APPL1: variants seen among roughly 807,000 people sequenced by gnomAD.
APPL1 encodes DCC-interacting protein 13-alpha.
In APPL1, 42 loss-of-function variants were observed where a neutral mutation model predicts 106.8. That is an observed-to-expected ratio of 0.39 (90% CI 0.31 to 0.51). APPL1 has a LOEUF of 0.51. Ranked by LOEUF, APPL1 falls within the 20% of genes least tolerant of loss-of-function variation. The probability of loss-of-function intolerance (pLI) is 0.75; values close to 1 mark genes in which losing one functional copy is unlikely to be tolerated. For synonymous variants in APPL1, 263 were observed against 281.8 expected, an observed-to-expected ratio of 0.93 and a Z score of 0.67; for missense variants, 769 against 858.2, an observed-to-expected ratio of 0.90 and a Z score of 1.30.
intron 1 of APPL1, among the ~76,000 whole-genome samples, chr3:57,230,927 C>T (rs368379565): frequency 2.6e-5 from 4 of 151,872 alleles, no homozygotes; most frequent in African/African-American, 9.7e-5. Flanking sequence ...GATGGAGTTT[C>T]GCTCTTGTCG....
At chr3:57,230,726 G>A (rs1294844982) in intron 1 of APPL1, 2 of 449,362 alleles carry the variant, frequency 4.5e-6, no homozygotes, top group Non-Finnish European at 9.1e-6. Flanking sequence ...TAGAGTCCAA[G>A]AAGCAGAGCA....
intron 4 of APPL1, among the ~76,000 whole-genome samples, chr3:57,239,213 CAT>C (rs1250288965): frequency 2.6e-5 from 4 of 152,154 alleles, no homozygotes; most frequent in African/African-American, 7.2e-5. Flanking sequence ...CCTCCCACAA[CAT>C]GTGGGAATTA....
At chr3:57,232,023 A>G (rs930772917) in intron 1 of APPL1, among the ~76,000 whole-genome samples, 2 of 152,212 alleles carry the variant, frequency 1.3e-5, no homozygotes, top group Admixed American at 6.5e-5. Flanking sequence ...CAAACCAGAC[A>G]GTTCTGCAAA....
intron 19 of APPL1, among the ~76,000 whole-genome samples, chr3:57,266,722 T>G (rs1180480590): frequency 1.3e-5 from 2 of 152,226 alleles, no homozygotes; most frequent in Non-Finnish European, 2.9e-5. Flanking sequence ...TTTATAGTTT[T>G]GGGTCTTATG....
intron 3 of APPL1, 118 bp from the exon 4 acceptor site, chr3:57,237,927 A>G: frequency 1.4e-6 from 1 of 699,744 alleles, no homozygotes. Flanking sequence ...ATGATATTTT[A>G]GAGCTTTTTC....
rs1372030993 is a variant in APPL1 at position 57,247,261 on chromosome 3, AT to A, written c.622-129del. The stretch of plus-strand genomic sequence containing the variant: ...CAGTAGAAGTCACAAACTACAATGT[AT>A]TTTTACACAAATGGGAATATTCCTT... On this transcript the variant is annotated intron_variant, in intron 8 of 21. Coordinates refer to ENST00000288266, the MANE Select transcript of APPL1 (RefSeq NM_012096.3). The A allele has an allele frequency of 3.9e-5, 22 of 568,316 alleles. No individual in the cohort carries two copies. The Admixed American group carries it at 3.9e-4, about 10-fold the overall frequency. 35.2% of individuals were successfully genotyped at this position (568,316 alleles called of 1,614,324 possible). A position where few individuals can be genotyped will look rare whatever the true frequency, so the allele number is the denominator to read the frequency against.
intron 19 of APPL1, among the ~76,000 whole-genome samples, chr3:57,265,364 G>C (rs1381881297): frequency 6.6e-6 from 1 of 152,074 alleles, no homozygotes; most frequent in Non-Finnish European, 1.5e-5. Flanking sequence ...TGGCCAGGCT[G>C]GTCTCAAACT....
chr3:57,240,652 A>G (rs927694792), intron 5 of APPL1, 100 bp downstream of exon 5: 3 of 1,022,624 alleles, frequency 2.9e-6, no homozygotes. Context: ...ATGACAGCCT[A>G]TGCCACTCTT....
intron 1 of APPL1, 102 bp from the exon 2 acceptor site, chr3:57,235,464 A>G: frequency 4.7e-6 from 3 of 636,438 alleles, no homozygotes; most frequent in Non-Finnish European, 8.0e-6. Context: ...CAGAATTACT[A>G]GAACTTTAAT....
At chr3:57,254,826 T>C (rs753894702) in intron 13 of APPL1, among the ~76,000 whole-genome samples, 60 of 152,244 alleles carry the variant, frequency 3.9e-4, no homozygotes, top group Non-Finnish European at 7.9e-4. Context: ...GGTTTTGCCA[T>C]GTTGGCCAGG....
At chr3:57,229,700 T>G (rs1296391875) in intron 1 of APPL1, among the ~76,000 whole-genome samples, 2 of 113,664 alleles carry the variant, frequency 1.8e-5, no homozygotes, top group Admixed American at 8.4e-5. Context: ...CTGTGCCAGC[T>G]TTTTTTTTTT....
At chr3:57,263,451 G>A (rs1450707879) in intron 19 of APPL1, among the ~76,000 whole-genome samples, 4 of 146,668 alleles carry the variant, frequency 2.7e-5, no homozygotes, top group Non-Finnish European at 4.5e-5. Flanking sequence ...CTGTTCTCTG[G>A]CTCCATGAGT....
intron 19 of APPL1, among the ~76,000 whole-genome samples, chr3:57,262,212 TTTACTC>T (rs1172502453): frequency 6.6e-6 from 1 of 152,000 alleles, no homozygotes; most frequent in Non-Finnish European, 1.5e-5. Flanking sequence ...AGGTTGTCTG[TTTACTC>T]TGTTATTTCT....
chr3:57,263,464 A>G (rs1403207275), intron 19 of APPL1, among the ~76,000 whole-genome samples: 5 of 140,764 alleles, frequency 3.6e-5, no homozygotes. Flanking sequence ...CCATGAGTTC[A>G]ATTGTTTTGA....
chr3:57,252,914 T>A (rs142795983), intron 12 of APPL1, among the ~76,000 whole-genome samples: 23 of 152,352 alleles, frequency 1.5e-4, no homozygotes, highest in African/African-American at 4.8e-4. Flanking sequence ...TTTTAGCCTT[T>A]TAATTTGGCA....
intron 21 of APPL1, 148 bp from the exon 22 acceptor site, chr3:57,269,393 G>A: frequency 1.4e-6 from 1 of 694,258 alleles, no homozygotes; most frequent in Admixed American, 3.2e-5. Context: ...GTATTGTTTG[G>A]GTGTAGCTTT....
chr3:57,232,176 A>T (rs1428293649), intron 1 of APPL1, among the ~76,000 whole-genome samples: 1 of 152,244 alleles, frequency 6.6e-6, no homozygotes, highest in Admixed American at 6.5e-5. Flanking sequence ...AATTGATTTT[A>T]TATGTAGATA....
At chr3:57,257,625 A>C (rs1310773317) in intron 15 of APPL1, among the ~76,000 whole-genome samples, 197 bp downstream of exon 15, 1 of 152,208 alleles carries the variant, frequency 6.6e-6, no homozygotes, top group Non-Finnish European at 1.5e-5. Context: ...TAAGGAGTTA[A>C]GATAATTTAG....
At position 57,253,831 on chromosome 3, in the gene APPL1, G is replaced by A. The variant is rs565739959; in HGVS notation, c.1152+93G>A. On this transcript the variant is annotated intron_variant, in intron 13 of 21. Transcript: ENST00000288266. ...ATTAATTCATAATTTCTCAGGTTCTGTAATTTTTTAATTTGACCTTGAATG... is the reference window on the plus strand; with the variant it reads ...ATTAATTCATAATTTCTCAGGTTCTATAATTTTTTAATTTGACCTTGAATG... The A allele has an allele frequency of 1.6e-3, 1,260 of 774,034 alleles. 4 individuals carry two copies. Among genetic ancestry groups the A allele is most frequent in the Middle Eastern group, 9.5e-3 (20 of 2,100 alleles). The allele number at this position is 774,034 out of a possible 1,614,324, so 47.9% of individuals were successfully genotyped here.
Sources: gnomAD v4.1 joint callset for allele counts (sites outside exome capture counted in the v4.1 genomes callset) on GRCh38, gnomAD v4.1.1 for gene constraint, MANE v1.5 for transcripts, NCBI Gene and HGNC (gene_info 2026-07-23, HGNC 2026-07-21) for gene names.